Variants in GPC3 observed in about 807,000 individuals in gnomAD.
GPC3 encodes glypican-3.
A neutral mutation model predicts 34.4 loss-of-function variants in GPC3; 3 were observed. The observed-to-expected ratio is 0.09, with a 90% CI of 0.04 to 0.23. The LOEUF (loss-of-function observed/expected upper bound fraction) is 0.23. GPC3 is among the 10% of genes least tolerant of loss of function. GPC3 has a pLI of 1.00. For missense variants in GPC3, 351 were observed against 445.6 expected (o/e 0.79, Z 1.91); for synonymous variants, 177 against 174.0 (o/e 1.02, Z -0.13).
In GPC3 at chrX:133,661,730, C is replaced by T; in HGVS notation, c.1413G>A (p.Gln471=). The T allele has an allele frequency of 2.7e-6, 3 of 1,129,306 alleles. No individual in the cohort carries two copies. The highest frequency in any genetic ancestry group is 3.6e-6 in the Non-Finnish European group (3 of 829,312). 93.1% of individuals were successfully genotyped at this position (1,129,306 alleles called of 1,213,427 possible). The change falls in exon 6 of 8, where the codon CAG becomes CAA. Residue 471 remains glutamine, a splice_region_variant and synonymous_variant. Coordinates refer to ENST00000370818, the MANE Select transcript of GPC3 (RefSeq NM_004484.4). The part of the protein sequence containing the change: ...QIIDKLKHIN[Q]LLRTMSMPKG... ...TTATTATTTTTTATATTCCACATACCTGGTTAATGTGCTTCAGTTTGTCAA... is the reference window on the plus strand; with the variant it reads ...TTATTATTTTTTATATTCCACATACTTGGTTAATGTGCTTCAGTTTGTCAA...
intron 2 of GPC3, among the ~76,000 whole-genome samples, chrX:133,844,039 A>G (rs1008211089): frequency 1.8e-5 from 2 of 111,891 alleles, no homozygotes; most frequent in Non-Finnish European, 3.8e-5. Context: ...TGAAAGAGAG[A>G]ATATGGCTAG....
chrX:133,662,189 G>A (rs1304644482), intron 5 of GPC3, among the ~76,000 whole-genome samples: 2 of 111,354 alleles, frequency 1.8e-5, no homozygotes, highest in Non-Finnish European at 3.8e-5. Context: ...GCTGTGCTAG[G>A]GGAGGTTCAA....
At position 133,661,710 on chromosome X, in the gene GPC3, AT is replaced by A; in HGVS notation, c.1413+19del. Reference sequence around the variant, plus strand: ...GTTATTTCTACTTTTTATTATTATTATTTTTTATATTCCACATACCTGGTTA... The same window carrying A: ...GTTATTTCTACTTTTTATTATTATTATTTTTATATTCCACATACCTGGTTA... On this transcript the variant is annotated intron_variant, in intron 6 of 7. Coordinates refer to ENST00000370818, the MANE Select transcript of GPC3 (RefSeq NM_004484.4). The A allele has an allele frequency of 1.0e-6, 1 of 975,915 alleles. No individual in the cohort carries two copies. The highest frequency in any genetic ancestry group is 1.4e-6 in the Non-Finnish European group (1 of 718,838). 80.4% of individuals were successfully genotyped at this position (975,915 alleles called of 1,213,427 possible).
At chrX:133,546,328 A>G (rs2069386244) in intron 7 of GPC3, among the ~76,000 whole-genome samples, 1 of 110,170 alleles carries the variant, frequency 9.1e-6, no homozygotes, top group Non-Finnish European at 1.9e-5. Flanking sequence ...AATGATATGT[A>G]TACACCTCTT....
rs772214554 is a variant in GPC3 at position 133,887,462 on chromosome X, T to G, written c.337+65588A>C. Among the ~76,000 whole-genome samples the G allele has an allele frequency of 2.7e-5, 3 of 112,298 alleles. No individual in the cohort carries two copies. The Admixed American group carries it at 2.8e-4, about 11-fold the overall frequency. Reference sequence around the variant, plus strand: ...TTTTCATATACCTGTTGGCCATTTGTATGTCTTCTTTGGAGAAATATCTAT... The same window carrying G: ...TTTTCATATACCTGTTGGCCATTTGGATGTCTTCTTTGGAGAAATATCTAT... On this transcript the variant is annotated intron_variant, in intron 2 of 7. Coordinates refer to ENST00000370818, the MANE Select transcript of GPC3 (RefSeq NM_004484.4).
At chrX:133,740,937 A>C (rs2071558961) in intron 3 of GPC3, among the ~76,000 whole-genome samples, 1 of 110,980 alleles carries the variant, frequency 9.0e-6, no homozygotes, top group Non-Finnish European at 1.9e-5. Context: ...GGAGGCCTGA[A>C]CTCCAAGCAA....
At chrX:133,574,569 A>G (rs762791307) in intron 7 of GPC3, among the ~76,000 whole-genome samples, 1 of 112,213 alleles carries the variant, frequency 8.9e-6, no homozygotes, top group South Asian at 3.7e-4. Flanking sequence ...TATATTTTTC[A>G]GCTAAGGTTG....
At chrX:133,633,114 G>A (rs1340812342) in intron 6 of GPC3, among the ~76,000 whole-genome samples, 1 of 111,547 alleles carries the variant, frequency 9.0e-6, no homozygotes, top group Non-Finnish European at 1.9e-5. Context: ...ATATTTTAAT[G>A]TCATTTCTCC....
chrX:133,630,943 G>A lies in GPC3; in HGVS notation c.1413+30787C>T, dbSNP rs768130834. ...GAAAAAGAGACCCATGGTCAGATAA[G>A]TTGGGAAAACACATTACACTGTATC... On this transcript the variant is annotated intron_variant, in intron 6 of 7. Coordinates refer to ENST00000370818, the MANE Select transcript of GPC3 (RefSeq NM_004484.4). Among the ~76,000 whole-genome samples the A allele has an allele frequency of 2.7e-5, 3 of 111,887 alleles. No individual in the cohort carries two copies. In the East Asian group the frequency reaches 8.4e-4, roughly 31 times the overall value.
intron 2 of GPC3, among the ~76,000 whole-genome samples, chrX:133,772,058 C>T (rs765951555): frequency 9.0e-6 from 1 of 111,489 alleles, no homozygotes; most frequent in East Asian, 2.8e-4. Context: ...CTTTCCTTCT[C>T]CTGTATTTAG....
chrX:133,585,595 T>G (rs954845657), intron 7 of GPC3, among the ~76,000 whole-genome samples: 3 of 111,759 alleles, frequency 2.7e-5, no homozygotes, highest in African/African-American at 9.7e-5. Context: ...TTCCTTTTGC[T>G]GGCATGTAAG....
intron 7 of GPC3, among the ~76,000 whole-genome samples, chrX:133,547,008 C>T (rs2069392682): frequency 9.0e-6 from 1 of 111,289 alleles, no homozygotes; most frequent in Non-Finnish European, 1.9e-5. Flanking sequence ...GAATGAGATC[C>T]TATCATTTGC....
chrX:133,661,624 CTCTCTCT>C, intron 6 of GPC3, 99 bp downstream of exon 6: 1 of 27,836 alleles, frequency 3.6e-5, no homozygotes, highest in South Asian at 2.1e-3. Context: ...CTCTCTCTCT[CTCTCTCT>C]CTCCCCCCCC....
intron 2 of GPC3, among the ~76,000 whole-genome samples, chrX:133,896,529 G>A (rs1271325670): frequency 2.7e-5 from 3 of 111,423 alleles, no homozygotes; most frequent in Non-Finnish European, 3.8e-5. Context: ...ATTAGTAATG[G>A]TATCTTCGGA....
chrX:133,949,545 T>C (rs1023990435), intron 2 of GPC3, among the ~76,000 whole-genome samples: 2 of 111,149 alleles, frequency 1.8e-5, no homozygotes, highest in African/African-American at 6.5e-5. Context: ...AGAGTTCAAG[T>C]TGTGGAATAG....
chrX:133,545,985 TAAAC>T (rs757447678), intron 7 of GPC3, among the ~76,000 whole-genome samples: 35 of 110,271 alleles, frequency 3.2e-4, no homozygotes, highest in Non-Finnish European at 5.7e-4. Context: ...GTCTCATAAA[TAAAC>T]AAACAAGCAA....
At position 133,614,773 on chromosome X, in the gene GPC3, T is replaced by G. The variant is rs781399200; in HGVS notation, c.1414-18174A>C. Among the ~76,000 whole-genome samples the G allele has an allele frequency of 4.5e-5, 5 of 111,508 alleles. No individual in the cohort carries two copies. In the South Asian group the frequency reaches 1.1e-3, roughly 25 times the overall value. ...ATTCATAAAACCCAAAGTTGCTTTT[T>G]GAAAAGATTAAAAATATTGATATGC... On this transcript the variant is annotated intron_variant, in intron 6 of 7. Coordinates refer to ENST00000370818, the MANE Select transcript of GPC3 (RefSeq NM_004484.4).
intron 6 of GPC3, among the ~76,000 whole-genome samples, chrX:133,637,231 G>A (rs1317037161): frequency 9.0e-6 from 1 of 110,836 alleles, no homozygotes; most frequent in Non-Finnish European, 1.9e-5. Context: ...ACTTTGGGAG[G>A]CTGAGGCAGG....
At chrX:133,955,997 T>C (rs1246991836) in intron 1 of GPC3, among the ~76,000 whole-genome samples, 1 of 111,946 alleles carries the variant, frequency 8.9e-6, no homozygotes, top group Non-Finnish European at 1.9e-5. Flanking sequence ...AATTTAGGAA[T>C]GAAATTCATC....
Sources: allele counts gnomAD v4.1 joint callset (sites outside exome capture counted in the v4.1 genomes callset), GRCh38; gene constraint gnomAD v4.1.1; transcripts MANE v1.5; gene names NCBI Gene and HGNC (gene_info 2026-07-23, HGNC 2026-07-21).